PRKN: variants seen among roughly 807,000 people sequenced by gnomAD.
The protein encoded by PRKN is E3 ubiquitin-protein ligase parkin.
PRKN carries 56 observed loss-of-function variants against 59.5 expected under a neutral mutation model. The ratio of observed to expected loss-of-function variants is 0.94; its 90% confidence interval spans 0.76 to 1.18. PRKN has a LOEUF of 1.18. Among genes scored for constraint, PRKN ranks in the 50% most tolerant of loss-of-function variants. The pLI, the probability that PRKN is intolerant of heterozygous loss-of-function variation, is 0.00. For synonymous variants in PRKN, 250 were observed against 222.1 expected (o/e 1.13, Z -1.12); for missense variants, 657 against 596.4 (o/e 1.10, Z -1.06).
chr6:161,735,227 C>T (rs76715964), intron 7 of PRKN, among the ~76,000 whole-genome samples: 2,458 of 152,132 alleles, frequency 0.016, 62 homozygotes, highest in African/African-American at 0.053. Flanking sequence ...AAGTCCCCCT[C>T]ATGTGGATTT....
At chr6:162,288,986 G>T (rs1389210564) in intron 2 of PRKN, among the ~76,000 whole-genome samples, 1 of 152,144 alleles carries the variant, frequency 6.6e-6, no homozygotes, top group South Asian at 2.1e-4. Flanking sequence ...GGTCTGTAGG[G>T]TTTTACTACA....
intron 9 of PRKN, among the ~76,000 whole-genome samples, chr6:161,452,881 T>C (rs1424037474): frequency 2.6e-5 from 4 of 151,392 alleles, no homozygotes; most frequent in African/African-American, 4.8e-5. Context: ...TCTAATATCA[T>C]ATATATTTTA....
In PRKN at chr6:161,446,360, G is replaced by C. The variant is rs964210525; in HGVS notation, c.1084-59483C>G. On this transcript the variant is annotated intron_variant, in intron 9 of 11. Transcript: ENST00000366898. The surrounding 1 kb of genome is among the most constrained non-coding windows in gnomAD (Gnocchi z 6.2). ...TTTCGAGGTCCAAGTGTGACTTAGA[G>C]GAACTGGGAGATGCCAGCAGACACT... Among the ~76,000 whole-genome samples the C allele has an allele frequency of 2.0e-5, 3 of 152,120 alleles. No homozygotes were observed. The highest frequency in any genetic ancestry group is 7.2e-5 in the African/African-American group (3 of 41,430).
At position 162,098,741 on chromosome 6, in the gene PRKN, T is replaced by C. The variant is rs6900475; in HGVS notation, c.535-44567A>G. ...TCAGATTCGGAGTGATTGGAAGACA[T>C]TTCTTCCATGTACTTGTGAGAATTA... On this transcript the variant is annotated intron_variant, in intron 4 of 11. Coordinates refer to ENST00000366898, the MANE Select transcript of PRKN (RefSeq NM_004562.3). 6.5e-3 allele frequency among the ~76,000 whole-genome samples: 996 copies of C among 152,340 alleles called. 8 individuals are homozygous for C. Among genetic ancestry groups the C allele is most frequent in the African/African-American group, 0.022 (934 of 41,570 alleles).
At chr6:162,462,770 AT>A in intron 1 of PRKN, among the ~76,000 whole-genome samples, 1 of 152,188 alleles carries the variant, frequency 6.6e-6, no homozygotes, top group Non-Finnish European at 1.5e-5. Context: ...TAGGAGTTGA[AT>A]GAAAACCTTA....
intron 4 of PRKN, among the ~76,000 whole-genome samples, chr6:162,060,802 A>G (rs991506361): frequency 6.6e-5 from 10 of 152,232 alleles, no homozygotes; most frequent in African/African-American, 2.4e-4. Context: ...CATGGCATTT[A>G]CAGTTTTTGA....
intron 7 of PRKN, among the ~76,000 whole-genome samples, chr6:161,725,693 A>G (rs1196063319): frequency 3.9e-5 from 6 of 152,320 alleles, no homozygotes; most frequent in African/African-American, 1.4e-4. Flanking sequence ...CCTGAGCCCC[A>G]AAGTCTCAGG....
chr6:161,819,539 A>G (rs1791932913), intron 6 of PRKN, among the ~76,000 whole-genome samples: 1 of 152,150 alleles, frequency 6.6e-6, no homozygotes, highest in African/African-American at 2.4e-5. Context: ...TAAAAGTAAC[A>G]AAGATTTATG....
intron 2 of PRKN, among the ~76,000 whole-genome samples, chr6:162,376,881 A>T (rs1420849532): frequency 1.5e-5 from 2 of 132,390 alleles, no homozygotes; most frequent in Non-Finnish European, 3.2e-5. Flanking sequence ...AGAGGGGGAG[A>T]GGGAGAGGGA....
intron 1 of PRKN, among the ~76,000 whole-genome samples, chr6:162,670,577 C>T (rs745745150): frequency 1.3e-5 from 2 of 152,172 alleles, no homozygotes; most frequent in Non-Finnish European, 2.9e-5. Context: ...ACAAATACTT[C>T]AGCAAAGCCA....
At chr6:161,594,753 G>T (rs1204750648) in intron 7 of PRKN, among the ~76,000 whole-genome samples, 5 of 151,954 alleles carry the variant, frequency 3.3e-5, no homozygotes, top group African/African-American at 4.8e-5. Context: ...AAAAACACTG[G>T]TTTTTTTATA....
rs776471267 is a variant in PRKN at position 161,680,348 on chromosome 6, C to T, written c.871+105424G>A. On this transcript the variant is annotated intron_variant, in intron 7 of 11. Transcript: ENST00000366898. The stretch of plus-strand genomic sequence containing the variant: ...GCCTTAATAAACAAATAAATATCTC[C>T]ATATGGACTATTATCCAAAGCAATT... Among the ~76,000 whole-genome samples the T allele has an allele frequency of 3.4e-4, 51 of 152,226 alleles. No homozygotes were observed. In the Middle Eastern group the frequency reaches 0.01, roughly 30 times the overall value.
intron 1 of PRKN, among the ~76,000 whole-genome samples, chr6:162,644,208 C>T (rs1778075706): frequency 1.3e-5 from 2 of 152,136 alleles, no homozygotes; most frequent in Non-Finnish European, 2.9e-5. Context: ...TGTGCTCCTC[C>T]TCCTCCTGCC....
At chr6:161,726,677 T>C (rs1305733278) in intron 7 of PRKN, among the ~76,000 whole-genome samples, 1 of 152,042 alleles carries the variant, frequency 6.6e-6, no homozygotes, top group Non-Finnish European at 1.5e-5. Context: ...TGAAAAACCA[T>C]GACATACAAA....
intron 1 of PRKN, among the ~76,000 whole-genome samples, chr6:162,536,466 T>TA (rs748846905): frequency 2.6e-5 from 4 of 151,902 alleles, no homozygotes; most frequent in Admixed American, 6.6e-5. Flanking sequence ...TCACCTGCTT[T>TA]AAAAAAAATA....
At chr6:161,742,905 T>C (rs1308017816) in intron 7 of PRKN, among the ~76,000 whole-genome samples, 3 of 152,114 alleles carry the variant, frequency 2.0e-5, no homozygotes, top group African/African-American at 7.2e-5. Flanking sequence ...GCCGCAGAGG[T>C]TGAGAGAGAA....
At chr6:162,649,910 T>A (rs942031444) in intron 1 of PRKN, among the ~76,000 whole-genome samples, 3 of 152,182 alleles carry the variant, frequency 2.0e-5, no homozygotes, top group Non-Finnish European at 4.4e-5. Flanking sequence ...TATGTGAATG[T>A]ATGTCATTGG....
intron 3 of PRKN, among the ~76,000 whole-genome samples, chr6:162,256,194 A>G (rs902286033): frequency 2.6e-5 from 4 of 152,146 alleles, no homozygotes; most frequent in African/African-American, 9.6e-5. Flanking sequence ...TACTCTAAAA[A>G]AGAATGTAGT....
rs1784401148 is a variant in PRKN, at chr6:162,346,304, G to T, written c.172-83539C>A. Among the ~76,000 whole-genome samples the T allele has an allele frequency of 2.6e-5, 4 of 151,918 alleles. No individual in the cohort carries two copies. The South Asian group carries it at 8.3e-4, about 32-fold the overall frequency. On this transcript the variant is annotated intron_variant, in intron 2 of 11. Transcript: ENST00000366898. ...CCGTATTTTCCACAGTTTTTAAATAGATCTTTTTCTATTAGATTAATGAAA... is the reference window on the plus strand; with the variant it reads ...CCGTATTTTCCACAGTTTTTAAATATATCTTTTTCTATTAGATTAATGAAA...
Sources: allele counts gnomAD v4.1 joint callset (sites outside exome capture counted in the v4.1 genomes callset), GRCh38; gene constraint gnomAD v4.1.1; non-coding constraint Gnocchi (gnomAD v3.1); transcripts MANE v1.5; gene names NCBI Gene and HGNC (gene_info 2026-07-23, HGNC 2026-07-21).